Variants in PPWD1 observed in about 807,000 individuals in gnomAD.
PPWD1 encodes peptidylprolyl isomerase domain and WD repeat-containing protein 1.
Under a neutral mutation model 68.8 loss-of-function variants are expected in PPWD1, and 43 were observed. The observed-to-expected ratio is 0.62, with a 90% CI of 0.49 to 0.81. The LOEUF is 0.81. Ranked by LOEUF, PPWD1 falls within the 30% of genes least tolerant of loss-of-function variation. The pLI, the probability that PPWD1 is intolerant of heterozygous loss-of-function variation, is 0.00. For synonymous variants in PPWD1, 232 were observed against 258.7 expected (o/e 0.90, Z 0.99); for missense variants, 672 against 804.8 (o/e 0.83, Z 2.00).
chr5:65,569,543 T>A, intron 2 of PPWD1, 89 bp from the exon 3 acceptor site: 1 of 1,400,842 alleles, frequency 7.1e-7, no homozygotes, highest in Non-Finnish European at 9.5e-7. Flanking sequence ...TATGCACAAG[T>A]CAGATTCTTA....
chr5:65,578,741 T>A (rs1753431927), intron 6 of PPWD1, among the ~76,000 whole-genome samples: 1 of 145,316 alleles, frequency 6.9e-6, no homozygotes, highest in Non-Finnish European at 1.5e-5. Flanking sequence ...TATACATATA[T>A]ATATACACAC....
Position 65,563,363 on chromosome 5 carries a change from A to C in PPWD1, c.53A>C (p.Asp18Ala). 1 of 1,614,120 alleles carries C rather than the reference A, an allele frequency of 6.2e-7. No homozygotes were observed. Among genetic ancestry groups the C allele is most frequent in the Non-Finnish European group, 8.5e-7 (1 of 1,180,022 alleles). Residue 18 changes from aspartate to alanine, a missense_variant, in exon 1 of 11, where the codon GAC (aspartate) becomes GCC (alanine). By Grantham distance (126) the Asp-to-Ala change is moderately radical (BLOSUM62 -2). Coordinates refer to ENST00000261308, the MANE Select transcript of PPWD1 (RefSeq NM_015342.4). ...DFQQRRRRRRDPEEPEKTELS... is the reference protein window; with the variant it reads ...DFQQRRRRRRAPEEPEKTELS... Reference sequence around the variant, plus strand: ...CAGCAGAGACGTAGAAGGCGCCGGGACCCGGAGGAACCGGAAAAAACAGAA... The same window carrying C: ...CAGCAGAGACGTAGAAGGCGCCGGGCCCCGGAGGAACCGGAAAAAACAGAA...
chr5:65,572,344 CCTTTT>C lies in PPWD1; in HGVS notation c.969+62_969+66del, dbSNP rs1753057169. 6 of 1,439,056 alleles carry C rather than the reference CCTTTT, an allele frequency of 4.2e-6. No homozygotes were observed. In the South Asian group the frequency reaches 7.0e-5, roughly 17 times the overall value. The allele number at this position is 1,439,056 out of a possible 1,614,324, so 89.1% of individuals were successfully genotyped here. A position where few individuals can be genotyped will look rare whatever the true frequency, so the allele number is the denominator to read the frequency against. On this transcript the variant is annotated intron_variant, in intron 5 of 10. Transcript: ENST00000261308. ...TTTTCTAAAAATGCTTTATTTTATGCCTTTTCTTGAAAGATCTTTTTTCTACAGAT... is the reference window on the plus strand; with the variant it reads ...TTTTCTAAAAATGCTTTATTTTATGCCTTGAAAGATCTTTTTTCTACAGAT...
intron 7 of PPWD1, 70 bp downstream of exon 7, chr5:65,579,683 A>G: frequency 8.7e-7 from 1 of 1,142,982 alleles, no homozygotes; most frequent in Non-Finnish European, 1.2e-6. Flanking sequence ...CTTTGTTTGT[A>G]CCTTCAACTG....
At chr5:65,568,189 A>G (rs1048063784) in intron 2 of PPWD1, 1 of 152,212 alleles carries the variant, frequency 6.6e-6, no homozygotes, top group Non-Finnish European at 1.5e-5. Context: ...TTGAAACTCC[A>G]AAACACTTCT....
intron 7 of PPWD1, among the ~76,000 whole-genome samples, chr5:65,580,775 A>G (rs1753559639): frequency 6.6e-6 from 1 of 152,130 alleles, no homozygotes; most frequent in African/African-American, 2.4e-5. Flanking sequence ...CAGCCTCCCA[A>G]AGTGCTGGAA....
chr5:65,586,981 A>T (rs1753877998), intron 10 of PPWD1, among the ~76,000 whole-genome samples: 1 of 152,162 alleles, frequency 6.6e-6, no homozygotes, highest in Admixed American at 6.6e-5. Context: ...CATGTGAAGT[A>T]ACTTACCTTT....
intron 1 of PPWD1, chr5:65,563,767 C>G: frequency 6.8e-7 from 1 of 1,473,230 alleles, no homozygotes; most frequent in Admixed American, 2.0e-5. Context: ...TTTTCCTATT[C>G]TTATGTGTTT....
chr5:65,575,198 A>G (rs1160574936), intron 5 of PPWD1, among the ~76,000 whole-genome samples: 1 of 152,222 alleles, frequency 6.6e-6, no homozygotes, highest in African/African-American at 2.4e-5. Flanking sequence ...GATAACATTT[A>G]TGGAATACTT....
In PPWD1 at chr5:65,584,686, G is replaced by T. The variant is rs373288361; in HGVS notation, c.1533-328G>T. ...AGCCTAGGCAATATAGTGAGACCTT[G>T]TCTCTTAAGAAAAAAACATATTTTT... On this transcript the variant is annotated intron_variant, in intron 8 of 10. Transcript: ENST00000261308. Among the ~76,000 whole-genome samples, 10 of 152,168 alleles carry T rather than the reference G, an allele frequency of 6.6e-5. No individual in the cohort carries two copies. The South Asian group carries it at 1.2e-3, about 19-fold the overall frequency.
intron 7 of PPWD1, 31 bp from the exon 8 acceptor site, chr5:65,583,007 C>T (rs1351419358): frequency 7.5e-6 from 11 of 1,473,690 alleles, no homozygotes; most frequent in African/African-American, 7.1e-5. Context: ...AACTTTAATT[C>T]GTTGACTCAC....
intron 7 of PPWD1, among the ~76,000 whole-genome samples, chr5:65,580,200 A>G (rs1001354087): frequency 1.3e-5 from 2 of 152,216 alleles, no homozygotes; most frequent in African/African-American, 2.4e-5. Context: ...CAGGAAAATC[A>G]AAAGTATAGA....
chr5:65,567,404 A>G (rs977943063), intron 1 of PPWD1, 109 bp from the exon 2 acceptor site: 1 of 1,357,844 alleles, frequency 7.4e-7, no homozygotes, highest in Non-Finnish European at 9.6e-7. Context: ...ACTAAAATCC[A>G]GGAGAAAATA....
chr5:65,586,765 T>C (rs911396010), intron 10 of PPWD1, among the ~76,000 whole-genome samples: 2 of 152,160 alleles, frequency 1.3e-5, no homozygotes, highest in Non-Finnish European at 2.9e-5. Context: ...CTACTATCAG[T>C]ATCCCCAGTT....
chr5:65,585,221 C>T, intron 9 of PPWD1, 126 bp downstream of exon 9: 1 of 901,294 alleles, frequency 1.1e-6, no homozygotes, highest in Non-Finnish European at 1.7e-6. Flanking sequence ...GAAAAATACA[C>T]TATGGAAGCC....
chr5:65,564,355 C>G (rs1186921950), intron 1 of PPWD1, among the ~76,000 whole-genome samples: 1 of 138,042 alleles, frequency 7.2e-6, no homozygotes, highest in Non-Finnish European at 1.5e-5. Context: ...GACGGAGTCT[C>G]GCTCTGTCGC....
At chr5:65,570,280 A>G (rs1483190266) in intron 4 of PPWD1, 2 of 901,940 alleles carry the variant, frequency 2.2e-6, no homozygotes, top group Non-Finnish European at 2.7e-6. Flanking sequence ...GCTCTGTCAT[A>G]TCTAATTACT....
Position 65,577,022 on chromosome 5 carries a change from G to C in PPWD1, c.1113G>C (p.Leu371=). The change falls in exon 6 of 11, where the codon CTG becomes CTC. Residue 371 remains leucine, a synonymous_variant. Coordinates refer to ENST00000261308, the MANE Select transcript of PPWD1 (RefSeq NM_015342.4). ...IVFDETGHFV[L]YGTMLGIKVI... ...TTGATGAAACTGGACACTTCGTGCTGTATGGAACAATGCTGGGCATTAAAG... is the reference window on the plus strand; with the variant it reads ...TTGATGAAACTGGACACTTCGTGCTCTATGGAACAATGCTGGGCATTAAAG... 1 of 1,614,076 alleles carries C rather than the reference G, an allele frequency of 6.2e-7. No individual in the cohort carries two copies. The highest frequency in any genetic ancestry group is 8.5e-7 in the Non-Finnish European group (1 of 1,179,958).
intron 4 of PPWD1, among the ~76,000 whole-genome samples, chr5:65,571,389 T>C (rs1354310895): frequency 6.6e-6 from 1 of 152,188 alleles, no homozygotes; most frequent in Non-Finnish European, 1.5e-5. Context: ...GTGTTTTTCT[T>C]TGACGTATTG....
Sources: gnomAD v4.1 joint callset for allele counts (sites outside exome capture counted in the v4.1 genomes callset) on GRCh38, gnomAD v4.1.1 for gene constraint, MANE v1.5 for transcripts, NCBI Gene and HGNC (gene_info 2026-07-23, HGNC 2026-07-21) for gene names.